The following TPP2 variants were observed in gnomAD, a reference collection of about 807,000 sequenced individuals.
TPP2 encodes tripeptidyl-peptidase 2.
Under a neutral mutation model 155.9 loss-of-function variants are expected in TPP2, and 34 were observed. That is an observed-to-expected ratio of 0.22 (90% confidence interval 0.17 to 0.29). The LOEUF (loss-of-function observed/expected upper bound fraction) is 0.29, where lower values mean the gene tolerates loss of function less well. TPP2 is among the 10% of genes least tolerant of loss of function. TPP2 has a pLI of 1.00. For missense variants in TPP2, 1,028 were observed against 1,522.3 expected (o/e 0.68, Z 5.40); for synonymous variants, 510 against 529.4 (o/e 0.96, Z 0.50).
chr13:102,625,932 T>G (rs757748054), intron 6 of TPP2, among the ~76,000 whole-genome samples: 1 of 152,240 alleles, frequency 6.6e-6, no homozygotes, highest in Non-Finnish European at 1.5e-5. Flanking sequence ...TAAGAAACTT[T>G]TTCACTAAAA....
intron 27 of TPP2, among the ~76,000 whole-genome samples, chr13:102,665,681 T>C (rs899370068): frequency 6.6e-6 from 1 of 152,210 alleles, no homozygotes; most frequent in Non-Finnish European, 1.5e-5. Context: ...TCACTTTTGT[T>C]TATTTTTGAC....
At chr13:102,626,337 A>G (rs1226850141) in intron 6 of TPP2, among the ~76,000 whole-genome samples, 1 of 152,174 alleles carries the variant, frequency 6.6e-6, no homozygotes, top group East Asian at 1.9e-4. Context: ...CATAGTACAT[A>G]GTAGTAGTTT....
At chr13:102,649,902 A>G (rs1883373616) in intron 23 of TPP2, among the ~76,000 whole-genome samples, 1 of 152,154 alleles carries the variant, frequency 6.6e-6, no homozygotes, top group Non-Finnish European at 1.5e-5. Context: ...AAATCAGATT[A>G]TCTTGGGGTG....
chr13:102,621,777 G>A (rs1253246845), intron 5 of TPP2, among the ~76,000 whole-genome samples: 1 of 152,170 alleles, frequency 6.6e-6, no homozygotes, highest in Non-Finnish European at 1.5e-5. Context: ...GATGGGCTGG[G>A]GGAAGAACAG....
intron 11 of TPP2, 119 bp downstream of exon 11, chr13:102,634,217 A>C: frequency 7.4e-7 from 1 of 1,353,380 alleles, no homozygotes; most frequent in Non-Finnish European, 1.0e-6. Flanking sequence ...GTAGAGTTTA[A>C]GGTAACGAAT....
In TPP2 at chr13:102,646,350, G is replaced by A. The variant is rs1403786779; in HGVS notation, c.2450G>A (p.Arg817His). The A allele has an allele frequency of 1.2e-6, 2 of 1,612,888 alleles. No homozygotes were observed. Among genetic ancestry groups the A allele is most frequent in the Admixed American group, 1.7e-5 (1 of 59,900 alleles). Residue 817 changes from arginine (R) to histidine (H), a missense_variant, in exon 20 of 30, where the codon CGT becomes CAT. Arg to His is a conservative substitution (Grantham distance 29, BLOSUM62 0). This residue lies in a region of TPP2 where 325 missense variants were observed against 463.7 expected (regional missense o/e 0.70). Transcript: ENST00000376052. ...LGSRDVLPNNRQLYEMVLTYN... is the reference protein window; with the variant it reads ...LGSRDVLPNNHQLYEMVLTYN... ...TCAAGAGATGTTTTGCCAAATAACCGTCAACTTTATGAGATGGTCCTGACA... is the reference window on the plus strand; with the variant it reads ...TCAAGAGATGTTTTGCCAAATAACCATCAACTTTATGAGATGGTCCTGACA...
At chr13:102,659,892 T>C (rs964988777) in intron 25 of TPP2, among the ~76,000 whole-genome samples, 5 of 152,216 alleles carry the variant, frequency 3.3e-5, no homozygotes, top group African/African-American at 1.2e-4. Context: ...ATTAGGCCTA[T>C]GTAATATTTA....
intron 27 of TPP2, among the ~76,000 whole-genome samples, chr13:102,669,828 G>A (rs1566373772): frequency 1.3e-5 from 2 of 152,126 alleles, no homozygotes; most frequent in Non-Finnish European, 2.9e-5. Context: ...CAGGCAGTGA[G>A]CTGTGGGCCC....
chr13:102,612,655 G>A (rs1451073047), intron 2 of TPP2, among the ~76,000 whole-genome samples: 2 of 152,130 alleles, frequency 1.3e-5, no homozygotes, highest in Admixed American at 6.5e-5. Context: ...TTTTTTTGGT[G>A]TAATTTTTGT....
chr13:102,644,390 A>C (rs1882962937), intron 17 of TPP2, among the ~76,000 whole-genome samples, 167 bp from the exon 18 acceptor site: 1 of 152,186 alleles, frequency 6.6e-6, no homozygotes, highest in African/African-American at 2.4e-5. Context: ...TATCTCTGCA[A>C]ATGATTTGTC....
At chr13:102,642,439 A>G (rs559555529) in intron 16 of TPP2, among the ~76,000 whole-genome samples, 11 of 152,254 alleles carry the variant, frequency 7.2e-5, no homozygotes, top group Middle Eastern at 3.4e-3. Context: ...TTGTTTTTTT[A>G]AATAAAAATT....
chr13:102,614,337 T>C (rs1188228301), intron 3 of TPP2, 141 bp downstream of exon 3: 2 of 639,272 alleles, frequency 3.1e-6, no homozygotes, highest in African/African-American at 1.9e-5. Context: ...TTTCAAACAA[T>C]GACTGCTTAA....
intron 16 of TPP2, among the ~76,000 whole-genome samples, chr13:102,642,640 G>A (rs1012986661): frequency 5.3e-5 from 8 of 152,034 alleles, no homozygotes; most frequent in African/African-American, 1.7e-4. Flanking sequence ...AATTAGCTTG[G>A]GTGTTCTTTA....
chr13:102,660,700 G>A (rs1230172012), intron 25 of TPP2, among the ~76,000 whole-genome samples: 2 of 152,168 alleles, frequency 1.3e-5, no homozygotes, highest in Non-Finnish European at 2.9e-5. Context: ...GAGCAAAGTA[G>A]GGCTCACACT....
intron 10 of TPP2, among the ~76,000 whole-genome samples, chr13:102,632,562 A>T (rs1468396514): frequency 6.6e-6 from 1 of 152,128 alleles, no homozygotes. Context: ...TAGAATACTG[A>T]TTTAAACATC....
intron 6 of TPP2, among the ~76,000 whole-genome samples, chr13:102,624,081 A>T (rs939205947): frequency 2.6e-5 from 4 of 152,196 alleles, no homozygotes; most frequent in Non-Finnish European, 4.4e-5. Context: ...GTGTGTATAA[A>T]CCCCTAATAC....
At chr13:102,604,206 AT>A (rs5806313) in intron 1 of TPP2, among the ~76,000 whole-genome samples, 12,824 of 151,874 alleles carry the variant, frequency 0.084, 1,328 homozygotes, top group East Asian at 0.33. Flanking sequence ...ACTACTAAAC[AT>A]TTTTTCCCCC....
chr13:102,646,226 A>G, intron 19 of TPP2, 68 bp from the exon 20 acceptor site: 1 of 1,322,386 alleles, frequency 7.6e-7, no homozygotes, highest in South Asian at 1.4e-5. Context: ...ATTTTGTTGC[A>G]TATGGTTTTA....
intron 27 of TPP2, among the ~76,000 whole-genome samples, chr13:102,666,766 C>CTTTTTTATTT (rs1884627763): frequency 1.8e-5 from 1 of 55,732 alleles, no homozygotes; most frequent in African/African-American, 7.7e-5. Flanking sequence ...TTTTTAATCT[C>CTTTTTTATTT]TTTTTTTTTT....
Sources: gnomAD v4.1 joint callset for allele counts (sites outside exome capture counted in the v4.1 genomes callset) on GRCh38, gnomAD v4.1.1 for gene constraint, gnomAD v4.1.1 regional missense constraint, MANE v1.5 for transcripts, NCBI Gene and HGNC (gene_info 2026-07-23, HGNC 2026-07-21) for gene names.